The following RAD23A variants were observed in gnomAD, a reference collection of about 807,000 sequenced individuals.
RAD23A encodes lysine-specific demethylase RAD23A.
Under a neutral mutation model 44.8 loss-of-function variants are expected in RAD23A, and 16 were observed. The ratio of observed to expected loss-of-function variants is 0.36; its 90% confidence interval spans 0.24 to 0.54. The LOEUF is 0.54. Ranked by LOEUF, RAD23A falls within the 20% of genes least tolerant of loss-of-function variation. RAD23A has a pLI of 0.89. For missense variants in RAD23A, 380 were observed against 483.3 expected (o/e 0.79, Z 2.00); for synonymous variants, 217 against 202.9 (o/e 1.07, Z -0.59).
chr19:12,949,645 A>C, intron 7 of RAD23A: 1 of 559,540 alleles, frequency 1.8e-6, no homozygotes, highest in East Asian at 2.9e-5. Flanking sequence ...AGACACCGGA[A>C]ACTTAGAGCA....
At position 12,948,081 on chromosome 19, in the gene RAD23A, G is replaced by C; in HGVS notation, c.234+72G>C. 6.2e-7 allele frequency: 1 copy of C among 1,607,942 alleles called. No individual in the cohort carries two copies. The highest frequency in any genetic ancestry group is 8.5e-7 in the Non-Finnish European group (1 of 1,176,632). ...GCTGGCAAAGAGCCTGTGTGCCCAG[G>C]AGAGATTAGCTGTGAACAGGGCGGG... On this transcript the variant is annotated intron_variant, in intron 2 of 8. Coordinates refer to ENST00000586534, the MANE Select transcript of RAD23A (RefSeq NM_005053.4). This position sits in a 1 kb window ranked among gnomAD's most constrained non-coding sequence, Gnocchi z 5.5.
chr19:12,951,025 C>G (rs982857345), intron 7 of RAD23A, among the ~76,000 whole-genome samples: 1 of 152,222 alleles, frequency 6.6e-6, no homozygotes. Flanking sequence ...GATTGCCCCA[C>G]TGCACTCCAG....
rs989955250 is a variant in RAD23A, at chr19:12,953,001, G to A, written c.1044G>A (p.Glu348=). 6.2e-6 allele frequency: 10 copies of A among 1,613,984 alleles called. No homozygotes were observed. Among genetic ancestry groups the A allele is most frequent in the Non-Finnish European group, 8.5e-6 (10 of 1,180,018 alleles). ...IQAYFACEKN[E]NLAANFLLSQ... is the part of the protein sequence containing the mutation. ...CCTATTTCGCGTGTGAAAAAAATGA[G>A]AACTTGGCTGCCAACTTCCTCCTGA... Residue 348 remains glutamate (E), a synonymous_variant, in exon 9 of 9, where the codon GAG becomes GAA. Coordinates refer to ENST00000586534, the MANE Select transcript of RAD23A (RefSeq NM_005053.4).
intron 7 of RAD23A, among the ~76,000 whole-genome samples, chr19:12,951,438 T>G (rs575012986): frequency 2.2e-4 from 34 of 152,230 alleles, no homozygotes; most frequent in East Asian, 3.9e-4. Flanking sequence ...TTTTGTTTTT[T>G]TTGTTGTTGT....
intron 1 of RAD23A, 64 bp downstream of exon 1, chr19:12,946,084 G>GC: frequency 6.8e-5 from 35 of 512,042 alleles, no homozygotes; most frequent in Middle Eastern, 5.9e-4. Flanking sequence ...TGGGGGCGGG[G>GC]AGGCTAGAAT....
rs769581525 is a variant in RAD23A, at chr19:12,949,323, A to T, written c.728A>T (p.Asn243Ile). 2 of 1,613,998 alleles carry T rather than the reference A, an allele frequency of 1.2e-6. No homozygotes were observed. Among genetic ancestry groups the T allele is most frequent in the East Asian group, 2.2e-5 (1 of 44,888 alleles). ...EFLRDQPQFQ[N>I]MRQVIQQNPA... is the part of the protein sequence containing the mutation. ...CTGCGGGACCAGCCCCAGTTCCAGAACATGCGGCAGGTGATTCAGCAGAAC... is the reference window on the plus strand; with the variant it reads ...CTGCGGGACCAGCCCCAGTTCCAGATCATGCGGCAGGTGATTCAGCAGAAC... Residue 243 changes from asparagine to isoleucine, a missense_variant, in exon 7 of 9, where the codon AAC becomes ATC. Transcript: ENST00000586534.
rs764265994 is a variant in RAD23A at position 12,948,521 on chromosome 19, C to T, written c.441C>T (p.Ser147=). ...GCTCTGTTCCCTCTTCAGGTAGCAG[C>T]GGGCGAGAGGAAGACGCGGCCTCCA... is the stretch of plus-strand genomic sequence containing the variant. ...VSGSVPSSGS[S]GREEDAASTL... The change falls in exon 4 of 9, where the codon AGC becomes AGT. Residue 147 remains serine, a synonymous_variant. Coordinates refer to ENST00000586534, the MANE Select transcript of RAD23A (RefSeq NM_005053.4). This position sits in a 1 kb window ranked among gnomAD's most constrained non-coding sequence, Gnocchi z 5.5. 20 of 1,594,744 alleles carry T rather than the reference C, an allele frequency of 1.3e-5. No homozygotes were observed. The highest frequency in any genetic ancestry group is 5.4e-5 in the African/African-American group (4 of 74,290).
intron 7 of RAD23A, 85 bp from the exon 8 acceptor site, chr19:12,952,600 CTGAA>C: frequency 7.1e-7 from 1 of 1,415,820 alleles, no homozygotes; most frequent in Non-Finnish European, 9.7e-7. Context: ...ATTTGCCTGA[CTGAA>C]TGAAAAAGCA....
At chr19:12,946,441 G>C (rs969789080) in intron 1 of RAD23A, among the ~76,000 whole-genome samples, 1 of 152,328 alleles carries the variant, frequency 6.6e-6, no homozygotes, top group East Asian at 1.9e-4. Context: ...CGACAACAAC[G>C]ATGTTAATGA....
intron 1 of RAD23A, among the ~76,000 whole-genome samples, chr19:12,947,547 T>C (rs1431409364): frequency 6.6e-6 from 1 of 152,248 alleles, no homozygotes; most frequent in African/African-American, 2.4e-5. Context: ...TACATTTTCT[T>C]CACATTAGTG....
chr19:12,951,265 C>T (rs575712931), intron 7 of RAD23A, among the ~76,000 whole-genome samples: 267 of 152,138 alleles, frequency 1.8e-3, no homozygotes, highest in Non-Finnish European at 3.3e-3. Context: ...GCGTGAGCCA[C>T]CACACCCGGC....
chr19:12,950,554 A>G (rs2146039308), intron 7 of RAD23A, among the ~76,000 whole-genome samples: 1 of 151,934 alleles, frequency 6.6e-6, no homozygotes, highest in East Asian at 1.9e-4. Flanking sequence ...GGCGCCCGCC[A>G]CCACGCCTGA....
intron 7 of RAD23A, chr19:12,949,662 C>T (rs1197147711): frequency 5.5e-6 from 3 of 547,942 alleles, no homozygotes; most frequent in South Asian, 2.4e-5. Flanking sequence ...AGCAGCCTGT[C>T]ATTCCCAGGG....
At position 12,951,178 on chromosome 19, in the gene RAD23A, T is replaced by C. The variant is rs896369168; in HGVS notation, c.814-1511T>C. Among the ~76,000 whole-genome samples, 5 of 152,362 alleles carry C rather than the reference T, an allele frequency of 3.3e-5. No individual in the cohort carries two copies. The East Asian group carries it at 9.6e-4, about 29-fold the overall frequency. On this transcript the variant is annotated intron_variant, in intron 7 of 8. Coordinates refer to ENST00000586534, the MANE Select transcript of RAD23A (RefSeq NM_005053.4). ...TAGGTGGGAATAGAGACAGGGTCTA[T>C]GTTGCCCAGGCTGGTTTTGAACTCT...
chr19:12,946,624 C>G (rs1019277971), intron 1 of RAD23A, among the ~76,000 whole-genome samples: 1 of 152,122 alleles, frequency 6.6e-6, no homozygotes, highest in Admixed American at 6.5e-5. Flanking sequence ...AGGAACTTTG[C>G]CACAGTCACA....
At position 12,947,940 on chromosome 19, in the gene RAD23A, G is replaced by A. The variant is rs1971708326; in HGVS notation, c.165G>A (p.Leu55=). Residue 55 remains leucine, a synonymous_variant, in exon 2 of 9, where the codon TTG becomes TTA. Transcript: ENST00000586534. ...GQKLIYAGKI[L]SDDVPIRDYR... is the part of the protein sequence containing the mutation. Reference sequence around the variant, plus strand: ...AACTCATCTATGCCGGCAAGATCTTGAGTGACGATGTCCCTATCAGGGACT... The same window carrying A: ...AACTCATCTATGCCGGCAAGATCTTAAGTGACGATGTCCCTATCAGGGACT... The A allele has an allele frequency of 1.2e-6, 2 of 1,614,032 alleles. No individual in the cohort carries two copies. Among genetic ancestry groups the A allele is most frequent in the Non-Finnish European group, 1.7e-6 (2 of 1,180,030 alleles).
At chr19:12,951,884 G>C (rs1026456097) in intron 7 of RAD23A, among the ~76,000 whole-genome samples, 5 of 152,146 alleles carry the variant, frequency 3.3e-5, no homozygotes, top group African/African-American at 1.2e-4. Flanking sequence ...GCCCTCATCT[G>C]CAGTTCCTTC....
In RAD23A at chr19:12,948,868, C is replaced by T. The variant is rs1971734126; in HGVS notation, c.600+55C>T. On this transcript the variant is annotated intron_variant, in intron 5 of 8. Transcript: ENST00000586534. This position sits in a 1 kb window ranked among gnomAD's most constrained non-coding sequence, Gnocchi z 5.5. ...GCCTTGAGGGAGTACCCGGGCGTCACTGCCCTGATGGGCGGTTGGGAAGGC... is the reference window on the plus strand; with the variant it reads ...GCCTTGAGGGAGTACCCGGGCGTCATTGCCCTGATGGGCGGTTGGGAAGGC... 4 of 1,564,778 alleles carry T rather than the reference C, an allele frequency of 2.6e-6. No individual in the cohort carries two copies.
chr19:12,948,365 C>T lies in RAD23A; in HGVS notation c.416+7C>T, dbSNP rs150102166. ...CCCCAGAGTCTGTGTCAGGGTAAGG[C>T]GGGGGCAGCAGTCCCAGCTTGGGCC... On this transcript the variant is annotated splice_region_variant and intron_variant, in intron 3 of 8. Transcript: ENST00000586534. The surrounding 1 kb of genome is among the most constrained non-coding windows in gnomAD (Gnocchi z 5.5). The T allele has an allele frequency of 1.2e-4, 191 of 1,570,040 alleles. 1 individual carries two copies. In the African/African-American group the frequency reaches 2.2e-3, roughly 18 times the overall value.
Sources: gnomAD v4.1 joint callset for allele counts (sites outside exome capture counted in the v4.1 genomes callset) on GRCh38, gnomAD v4.1.1 for gene constraint, Gnocchi (gnomAD v3.1) non-coding constraint, MANE v1.5 for transcripts, NCBI Gene and HGNC (gene_info 2026-07-23, HGNC 2026-07-21) for gene names.